The following TGFBR3 variants were observed in gnomAD, a reference collection of about 807,000 sequenced individuals.
TGFBR3 encodes transforming growth factor beta receptor 3, also known as transforming growth factor beta receptor type 3.
A neutral mutation model predicts 87.9 loss-of-function variants in TGFBR3; 46 were observed. That is an observed-to-expected ratio of 0.52 (90% CI 0.41 to 0.67). The LOEUF (loss-of-function observed/expected upper bound fraction) is 0.67. Among genes scored for constraint, TGFBR3 ranks in the 30% least tolerant of loss-of-function variants. The pLI, the probability that TGFBR3 is intolerant of heterozygous loss-of-function variation, is 0.00. For synonymous variants in TGFBR3, 381 were observed against 391.6 expected, an observed-to-expected ratio of 0.97 and a Z score of 0.32; for missense variants, 866 against 1,041.9, an observed-to-expected ratio of 0.83 and a Z score of 2.32.
intron 5 of TGFBR3, among the ~76,000 whole-genome samples, chr1:91,730,490 C>T (rs183458806): frequency 6.2e-4 from 94 of 152,274 alleles, no homozygotes; most frequent in African/African-American, 2.0e-3. Flanking sequence ...ATGGTTTCAA[C>T]CTGTACCTAG....
At chr1:91,777,482 C>A (rs1176149251) in intron 3 of TGFBR3, among the ~76,000 whole-genome samples, 1 of 152,116 alleles carries the variant, frequency 6.6e-6, no homozygotes, top group Non-Finnish European at 1.5e-5. Context: ...CAAACCACAT[C>A]CCCATTTCAA....
At chr1:91,863,824 C>A (rs1369991629) in intron 1 of TGFBR3, 2 of 152,186 alleles carry the variant, frequency 1.3e-5, no homozygotes, top group Non-Finnish European at 2.9e-5. Flanking sequence ...ATTAAACTGA[C>A]TTATTATCCC....
chr1:91,791,669 G>C (rs924447360), intron 3 of TGFBR3, among the ~76,000 whole-genome samples: 1 of 152,208 alleles, frequency 6.6e-6, no homozygotes, highest in Non-Finnish European at 1.5e-5. Context: ...CAACTAGCTG[G>C]AGTATGGGAA....
At chr1:91,717,003 T>C (rs1672198853) in intron 10 of TGFBR3, among the ~76,000 whole-genome samples, 3 of 152,242 alleles carry the variant, frequency 2.0e-5, no homozygotes, top group Non-Finnish European at 1.5e-5. Flanking sequence ...TGATTTCAAA[T>C]GGTGGGAAAA....
intron 1 of TGFBR3, among the ~76,000 whole-genome samples, chr1:91,870,356 T>C (rs1678539444): frequency 6.6e-6 from 1 of 152,224 alleles, no homozygotes; most frequent in Non-Finnish European, 1.5e-5. Flanking sequence ...CAATTTGGAA[T>C]GCTAGAACAG....
rs1449600826 is a variant in TGFBR3 at position 91,766,570 on chromosome 1, G to A, written c.247-7820C>T. The A allele has an allele frequency of 5.1e-5, 7 of 136,106 alleles. 1 individual carries two copies. The highest frequency in any genetic ancestry group is 1.1e-4 in the Non-Finnish European group (7 of 61,472). The allele number at this position is 136,106 out of a possible 1,614,324, so 8.4% of individuals were successfully genotyped here. A position where few individuals can be genotyped will look rare whatever the true frequency, so the allele number is the denominator to read the frequency against. ...TCAATTCCCACAAAATCTGAGTACT[G>A]GAGTAATCATTCCACCTGCTACGTG... On this transcript the variant is annotated intron_variant, in intron 3 of 16. Coordinates refer to ENST00000212355, the MANE Select transcript of TGFBR3 (RefSeq NM_003243.5).
At chr1:91,827,072 G>C (rs901914) in intron 2 of TGFBR3, among the ~76,000 whole-genome samples, 132,107 of 152,154 alleles carry the variant, frequency 0.87, 57,692 homozygotes, top group Middle Eastern at 0.91. Flanking sequence ...ATTTTACTGA[G>C]GAAAACTTTC....
At chr1:91,722,277 T>C in intron 7 of TGFBR3, 133 bp from the exon 8 acceptor site, 1 of 799,230 alleles carries the variant, frequency 1.3e-6, no homozygotes, top group Non-Finnish European at 1.9e-6. Flanking sequence ...GACCCCTGTT[T>C]TCCTTGGGCT....
At chr1:91,705,790 C>T (rs1375697410) in intron 14 of TGFBR3, among the ~76,000 whole-genome samples, 2 of 152,192 alleles carry the variant, frequency 1.3e-5, no homozygotes, top group African/African-American at 2.4e-5. Flanking sequence ...AATAAACTTT[C>T]TTCACCCACA....
chr1:91,724,660 A>C (rs1285386592), intron 7 of TGFBR3, among the ~76,000 whole-genome samples: 1 of 152,202 alleles, frequency 6.6e-6, no homozygotes, highest in Non-Finnish European at 1.5e-5. Context: ...ATGGCAGACA[A>C]GTTGGTTCCC....
intron 3 of TGFBR3, among the ~76,000 whole-genome samples, chr1:91,777,288 A>C (rs1443405467): frequency 1.3e-5 from 2 of 152,096 alleles, no homozygotes. Context: ...GGCTTTGAAG[A>C]CCTGTGGTGT....
intron 5 of TGFBR3, among the ~76,000 whole-genome samples, chr1:91,733,345 C>T (rs1050989815): frequency 1.3e-5 from 2 of 152,218 alleles, no homozygotes; most frequent in African/African-American, 4.8e-5. Context: ...ACTTAGCCCT[C>T]CACTAAGCCC....
chr1:91,741,017 C>T (rs1012320882), intron 4 of TGFBR3, among the ~76,000 whole-genome samples: 2 of 152,196 alleles, frequency 1.3e-5, no homozygotes, highest in African/African-American at 4.8e-5. Context: ...CTTCTGACAT[C>T]GCATGTCTGG....
At chr1:91,885,397 C>T (rs1364958228) in intron 1 of TGFBR3, among the ~76,000 whole-genome samples, 1 of 151,952 alleles carries the variant, frequency 6.6e-6, no homozygotes, top group Non-Finnish European at 1.5e-5. Flanking sequence ...CGGCTCAGCC[C>T]GCAAGGCACC....
At chr1:91,872,420 C>T (rs757413117) in intron 1 of TGFBR3, among the ~76,000 whole-genome samples, 1 of 152,216 alleles carries the variant, frequency 6.6e-6, no homozygotes, top group African/African-American at 2.4e-5. Context: ...AGGGTTAAAA[C>T]TTCACTTCGA....
rs1477223147 is a variant in TGFBR3 at position 91,716,265 on chromosome 1, C to G, written c.1837G>C (p.Val613Leu). 1.2e-6 allele frequency: 2 copies of G among 1,614,022 alleles called. No individual in the cohort carries two copies. Among genetic ancestry groups the G allele is most frequent in the African/African-American group, 1.3e-5 (1 of 74,916 alleles). The part of the protein sequence containing the change: ...FLVPSQGVFS[V>L]PENGHVYVEV... Reference sequence around the variant, plus strand: ...ACATAAACGTGTCCATTCTCTGGCACAGAGAAGACGCCCTGGGAGGGCACC... The same window carrying G: ...ACATAAACGTGTCCATTCTCTGGCAGAGAGAAGACGCCCTGGGAGGGCACC... The change falls in exon 12 of 17, where the codon GTG (valine) becomes CTG (leucine). Residue 613 changes from valine (V) to leucine (L), a missense_variant. Physicochemically the swap from Val to Leu is conservative, Grantham distance 32. Transcript: ENST00000212355.
chr1:91,855,269 G>T (rs960658211), intron 2 of TGFBR3, among the ~76,000 whole-genome samples: 2 of 152,200 alleles, frequency 1.3e-5, no homozygotes, highest in Admixed American at 6.5e-5. Context: ...TGAGACAGTG[G>T]AATGAAGAAG....
At chr1:91,886,302 CCGCCTCCCGCCTCCCGCCTCCTCT>C (rs1679315094), upstream of TGFBR3, 1 of 386,962 alleles carries the variant, frequency 2.6e-6, no homozygotes, top group Non-Finnish European at 5.2e-6. Flanking sequence ...ACTCCTCCTC[CCGCCTCCCGCCTCCCGCCTCCTCT>C]CTCCTCCCCC....
chr1:91,693,957 A>G (rs1469983504), intron 16 of TGFBR3, among the ~76,000 whole-genome samples: 2 of 152,176 alleles, frequency 1.3e-5, no homozygotes, highest in Non-Finnish European at 2.9e-5. Context: ...GAATCCTCCT[A>G]AACTGATTCA....
Sources: gnomAD v4.1 joint callset for allele counts (sites outside exome capture counted in the v4.1 genomes callset) on GRCh38, gnomAD v4.1.1 for gene constraint, MANE v1.5 for transcripts, NCBI Gene and HGNC (gene_info 2026-07-23, HGNC 2026-07-21) for gene names.